The following LPP variants were observed in gnomAD, a reference collection of about 807,000 sequenced individuals.
LPP encodes LIM domain containing preferred translocation partner in lipoma.
Under a neutral mutation model 60.4 loss-of-function variants are expected in LPP, and 38 were observed. The observed-to-expected ratio is 0.63, with a 90% CI of 0.49 to 0.83. The LOEUF (loss-of-function observed/expected upper bound fraction) is 0.83. LPP is among the 40% of genes least tolerant of loss of function. LPP has a pLI of 0.00. For synonymous variants in LPP, 328 were observed against 290.8 expected, an observed-to-expected ratio of 1.13 and a Z score of -1.30; for missense variants, 902 against 783.6, an observed-to-expected ratio of 1.15 and a Z score of -1.80.
At chr3:188,421,501 T>A (rs1017264945) in intron 4 of LPP, among the ~76,000 whole-genome samples, 2 of 152,256 alleles carry the variant, frequency 1.3e-5, no homozygotes, top group East Asian at 1.9e-4. Context: ...TAAGGAGCAA[T>A]AGGTTTTGAT....
rs974718974 is a variant in LPP at position 188,558,911 on chromosome 3, A to G, written c.429+34124A>G. Among the ~76,000 whole-genome samples the G allele has an allele frequency of 3.9e-5, 6 of 152,100 alleles. No homozygotes were observed. The South Asian group carries it at 8.3e-4, about 21-fold the overall frequency. ...GTCCAAGCAGCACTGCTTTTGTTCT[A>G]TTTTGAATTCGTGGTGGAAAGGATG... On this transcript the variant is annotated intron_variant, in intron 6 of 11. Coordinates refer to ENST00000617246, the MANE Select transcript of LPP (RefSeq NM_001375462.1).
chr3:188,369,989 C>T (rs1322371691), intron 3 of LPP, among the ~76,000 whole-genome samples: 1 of 152,114 alleles, frequency 6.6e-6, no homozygotes, highest in Non-Finnish European at 1.5e-5. Context: ...AGTGCAGTGG[C>T]AGGATCTCGG....
intron 8 of LPP, among the ~76,000 whole-genome samples, chr3:188,735,385 T>C (rs1722125689): frequency 7.1e-6 from 1 of 141,234 alleles, no homozygotes; most frequent in Non-Finnish European, 1.6e-5. Context: ...ATTTTATTAT[T>C]ATTATTATTT....
intron 5 of LPP, among the ~76,000 whole-genome samples, chr3:188,498,883 CA>C (rs1811023802): frequency 5.9e-5 from 9 of 152,116 alleles, no homozygotes; most frequent in Admixed American, 4.6e-4. Flanking sequence ...TTTTGATTTG[CA>C]TTTCTCTAAT....
At chr3:188,714,422 G>A (rs1179588648) in intron 8 of LPP, among the ~76,000 whole-genome samples, 12 of 152,140 alleles carry the variant, frequency 7.9e-5, no homozygotes, top group Admixed American at 7.2e-4. Flanking sequence ...ACATACATTA[G>A]GAAGACCGTC....
chr3:188,817,910 T>C lies in LPP; in HGVS notation c.1411-48290T>C, dbSNP rs116912705. On this transcript the variant is annotated intron_variant, in intron 9 of 11. Transcript: ENST00000617246. ...TTTACGTTTTTGTTCTTCCACACGATTATTATCTTAGTATCTCAACTGGCT... is the reference window on the plus strand; with the variant it reads ...TTTACGTTTTTGTTCTTCCACACGACTATTATCTTAGTATCTCAACTGGCT... Among the ~76,000 whole-genome samples the C allele has an allele frequency of 3.7e-4, 56 of 152,304 alleles. No individual in the cohort carries two copies. The East Asian group carries it at 9.7e-3, about 26-fold the overall frequency.
intron 3 of LPP, among the ~76,000 whole-genome samples, chr3:188,356,022 T>G (rs958407607): frequency 2.6e-5 from 4 of 152,226 alleles, no homozygotes; most frequent in Admixed American, 1.3e-4. Flanking sequence ...GATAGTAGCT[T>G]AAAAAATTTC....
chr3:188,156,176 GC>G (rs1716345786), intron 1 of LPP, among the ~76,000 whole-genome samples: 1 of 152,162 alleles, frequency 6.6e-6, no homozygotes, highest in African/African-American at 2.4e-5. Context: ...AAAGCCTGGG[GC>G]CTTAGGGTCT....
intron 7 of LPP, among the ~76,000 whole-genome samples, chr3:188,624,237 C>T (rs1478913496): frequency 6.6e-6 from 1 of 152,050 alleles, no homozygotes; most frequent in African/African-American, 2.4e-5. Context: ...TGTACATTTG[C>T]ATTAAAAGAA....
chr3:188,599,751 G>T (rs200523918), intron 6 of LPP, among the ~76,000 whole-genome samples: 1 of 139,828 alleles, frequency 7.2e-6, no homozygotes, highest in Non-Finnish European at 1.5e-5. Context: ...ACTCGTTAGG[G>T]GTGTGTGTGT....
chr3:188,867,474 G>T (rs1343599829), intron 10 of LPP, among the ~76,000 whole-genome samples: 1 of 151,962 alleles, frequency 6.6e-6, no homozygotes, highest in African/African-American at 2.4e-5. Context: ...CTCCCAAGGA[G>T]CTGAGACTAC....
chr3:188,760,435 T>TGTGTGTGTGTGTGTGCGCGC (rs777127864), intron 9 of LPP, among the ~76,000 whole-genome samples, 153 bp downstream of exon 9: 11 of 151,196 alleles, frequency 7.3e-5, no homozygotes, highest in African/African-American at 2.7e-4. Context: ...TGTGTGTGTG[T>TGTGTGTGTGTGTGTGCGCGC]GCGTGCGCGC....
intron 8 of LPP, among the ~76,000 whole-genome samples, chr3:188,724,902 A>G (rs951432063): frequency 6.6e-6 from 1 of 152,228 alleles, no homozygotes; most frequent in African/African-American, 2.4e-5. Flanking sequence ...ACTGATTTTG[A>G]AAATAAAGTC....
At chr3:188,424,679 G>A (rs936984598) in intron 4 of LPP, among the ~76,000 whole-genome samples, 10 of 152,060 alleles carry the variant, frequency 6.6e-5, no homozygotes, top group Admixed American at 4.6e-4. Flanking sequence ...TCCCTTGTAA[G>A]TCGTATTCCT....
chr3:188,577,744 T>TCTTCCTTCCTTC (rs1560587330), intron 6 of LPP, among the ~76,000 whole-genome samples: 1 of 41,428 alleles, frequency 2.4e-5, no homozygotes, highest in African/African-American at 5.6e-5. Context: ...TTCCTTCCTT[T>TCTTCCTTCCTTC]GTTCCTTCGT....
intron 4 of LPP, among the ~76,000 whole-genome samples, chr3:188,462,128 C>T (rs114669595): frequency 0.023 from 3,542 of 152,104 alleles, 67 homozygotes; most frequent in Non-Finnish European, 0.036. Context: ...CTTCCTTTCA[C>T]GTTTGTAAAC....
chr3:188,382,451 C>G (rs1242260925), intron 3 of LPP, among the ~76,000 whole-genome samples: 2 of 152,180 alleles, frequency 1.3e-5, no homozygotes, highest in Admixed American at 1.3e-4. Context: ...TACCCTGTCT[C>G]TCTCACAGAA....
intron 2 of LPP, among the ~76,000 whole-genome samples, chr3:188,264,905 A>T (rs1019168423): frequency 6.6e-6 from 1 of 152,184 alleles, no homozygotes; most frequent in African/African-American, 2.4e-5. Flanking sequence ...AAGTAAGCAG[A>T]TGATTTCAAC....
At chr3:188,842,030 C>A (rs1180725081) in intron 9 of LPP, among the ~76,000 whole-genome samples, 1 of 152,134 alleles carries the variant, frequency 6.6e-6, no homozygotes, top group Non-Finnish European at 1.5e-5. Context: ...TTTGAATACC[C>A]TTTATTTGTT....
Sources: gnomAD v4.1 joint callset for allele counts (sites outside exome capture counted in the v4.1 genomes callset) on GRCh38, gnomAD v4.1.1 for gene constraint, MANE v1.5 for transcripts, NCBI Gene and HGNC (gene_info 2026-07-23, HGNC 2026-07-21) for gene names.